The following SLC71A2 variants were observed in gnomAD, a reference collection of about 807,000 sequenced individuals.
SLC71A2 encodes solute carrier family 71 member 2.
the SLC71A2 span, among the ~76,000 whole-genome samples, chr9:94,423,608 G>C: frequency 2.0e-5 from 3 of 151,894 alleles, no homozygotes; most frequent in Non-Finnish European, 4.4e-5. Context: ...CTAGTTCTGT[G>C]GGTCTCTTGC....
chr9:94,378,858 G>A, the SLC71A2 span, among the ~76,000 whole-genome samples: 24 of 150,940 alleles, frequency 1.6e-4, no homozygotes, highest in African/African-American at 5.9e-4. Context: ...AAGAATTTGT[G>A]TAAGATTGGT....
At chr9:94,435,135 G>A in the SLC71A2 span, among the ~76,000 whole-genome samples, 4 of 152,142 alleles carry the variant, frequency 2.6e-5, no homozygotes, top group African/African-American at 7.2e-5. Flanking sequence ...TATAAAGCGT[G>A]CCCTCTTTTT....
the SLC71A2 span, among the ~76,000 whole-genome samples, chr9:94,392,483 G>A: frequency 2.0e-5 from 3 of 149,948 alleles, no homozygotes; most frequent in African/African-American, 7.4e-5. Context: ...TATAGTGGGA[G>A]TATTTTCTTT....
chr9:94,378,609 A>G, the SLC71A2 span, among the ~76,000 whole-genome samples: 1 of 152,124 alleles, frequency 6.6e-6, no homozygotes, highest in Non-Finnish European at 1.5e-5. Flanking sequence ...TCTCAAAAAC[A>G]AACAATAAAC....
the SLC71A2 span, among the ~76,000 whole-genome samples, chr9:94,389,440 A>G: frequency 2.6e-5 from 4 of 151,152 alleles, no homozygotes; most frequent in East Asian, 2.0e-4. Context: ...TAATTTTTGT[A>G]TATATATATA....
chr9:94,459,416 C>T, the SLC71A2 span: 39 of 1,613,064 alleles, frequency 2.4e-5, no homozygotes, highest in Non-Finnish European at 2.9e-5. Context: ...GCTGTAAACT[C>T]GGCAGAAAGT....
At chr9:94,433,284 C>A in the SLC71A2 span, 3 of 166,886 alleles carry the variant, frequency 1.8e-5, no homozygotes, top group East Asian at 5.1e-4. Flanking sequence ...TCGGATCCCC[C>A]TGGACTGACT....
At chr9:94,412,285 A>G in the SLC71A2 span, among the ~76,000 whole-genome samples, 1 of 152,188 alleles carries the variant, frequency 6.6e-6, no homozygotes, top group Non-Finnish European at 1.5e-5. Flanking sequence ...AGCTTTTTAT[A>G]TGTTAGAGAT....
At chr9:94,415,910 T>C in the SLC71A2 span, among the ~76,000 whole-genome samples, 1 of 152,230 alleles carries the variant, frequency 6.6e-6, no homozygotes, top group African/African-American at 2.4e-5. Context: ...TTTAGGAGGA[T>C]ATTAATGGTC....
At chr9:94,394,506 G>C in the SLC71A2 span, among the ~76,000 whole-genome samples, 1 of 87,108 alleles carries the variant, frequency 1.1e-5, no homozygotes, top group African/African-American at 2.9e-5. Context: ...AGCGTGTGGT[G>C]GCAGGATTTC....
At chr9:94,387,569 A>AGT in the SLC71A2 span, among the ~76,000 whole-genome samples, 1 of 152,216 alleles carries the variant, frequency 6.6e-6, no homozygotes, top group African/African-American at 2.4e-5. Context: ...GAGAAACATC[A>AGT]GTGCATGGAG....
At chr9:94,414,913 C>T in the SLC71A2 span, among the ~76,000 whole-genome samples, 1 of 152,124 alleles carries the variant, frequency 6.6e-6, no homozygotes, top group Non-Finnish European at 1.5e-5. Context: ...CCGCCTTGGC[C>T]TCCCAAAGTG....
At chr9:94,381,779 T>G in the SLC71A2 span, among the ~76,000 whole-genome samples, 2 of 152,212 alleles carry the variant, frequency 1.3e-5, no homozygotes, top group African/African-American at 4.8e-5. Flanking sequence ...GAGACCAGCC[T>G]GGGCAACATG....
chr9:94,375,230 T>C, the SLC71A2 span, among the ~76,000 whole-genome samples: 9 of 152,052 alleles, frequency 5.9e-5, no homozygotes, highest in African/African-American at 2.2e-4. Context: ...ACAGTTTTCC[T>C]GGCGCAGTTT....
At chr9:94,414,521 A>C in the SLC71A2 span, among the ~76,000 whole-genome samples, 1 of 152,222 alleles carries the variant, frequency 6.6e-6, no homozygotes, top group African/African-American at 2.4e-5. Flanking sequence ...CTTCAGCCCT[A>C]GAGAAGTTAA....
chr9:94,458,174 C>G, the SLC71A2 span: 13 of 578,606 alleles, frequency 2.2e-5, no homozygotes, highest in African/African-American at 2.7e-4. Flanking sequence ...TGGATAAAGT[C>G]TTCCTAATCT....
chr9:94,425,032 C>T, the SLC71A2 span, among the ~76,000 whole-genome samples: 1 of 151,396 alleles, frequency 6.6e-6, no homozygotes, highest in Non-Finnish European at 1.5e-5. Context: ...TTTCTGTTGT[C>T]CTACTAATTT....
chr9:94,460,164 ACAACT>A, the SLC71A2 span: 1 of 152,500 alleles, frequency 6.6e-6, no homozygotes, highest in African/African-American at 2.4e-5. Context: ...GAAGAAAAAA[ACAACT>A]CAAGCATTCT....
At chr9:94,397,933 G>A in the SLC71A2 span, among the ~76,000 whole-genome samples, 2 of 152,186 alleles carry the variant, frequency 1.3e-5, no homozygotes, top group Admixed American at 6.5e-5. Context: ...TCTTTTACCC[G>A]TTTCTATACT....
Sources: gnomAD v4.1 joint callset for allele counts (sites outside exome capture counted in the v4.1 genomes callset) on GRCh38, gnomAD v4.1.1 for gene constraint, MANE v1.5 for transcripts, NCBI Gene and HGNC (gene_info 2026-07-23, HGNC 2026-07-21) for gene names.